The following L3MBTL4 variants were observed in gnomAD, a reference collection of about 807,000 sequenced individuals.
The protein encoded by L3MBTL4 is lethal(3)malignant brain tumor-like protein 4.
Under a neutral mutation model 84.5 loss-of-function variants are expected in L3MBTL4, and 70 were observed. The ratio of observed to expected loss-of-function variants is 0.83; its 90% confidence interval spans 0.68 to 1.01. L3MBTL4 has a LOEUF of 1.01. Ranked by LOEUF, L3MBTL4 falls within the 50% of genes least tolerant of loss-of-function variation. The pLI is 0.00. For synonymous variants in L3MBTL4, 274 were observed against 259.8 expected (o/e 1.05, Z -0.52); for missense variants, 715 against 754.8 (o/e 0.95, Z 0.62).
In L3MBTL4 at chr18:6,252,970, G is replaced by A. The variant is rs551247250; in HGVS notation, c.220-8382C>T. 9.8e-5 allele frequency among the ~76,000 whole-genome samples: 15 copies of A among 152,326 alleles called. No individual in the cohort carries two copies. The East Asian group carries it at 1.5e-3, about 16-fold the overall frequency. ...TGTAATCCCAGCACTTTGGGAGGCCGAGGCGAGCAGATCATGAGGTCAAGA... is the reference window on the plus strand; with the variant it reads ...TGTAATCCCAGCACTTTGGGAGGCCAAGGCGAGCAGATCATGAGGTCAAGA... On this transcript the variant is annotated intron_variant, in intron 5 of 18. Transcript: ENST00000317931.
chr18:6,094,289 T>A (rs1305157488), intron 14 of L3MBTL4, among the ~76,000 whole-genome samples: 1 of 152,190 alleles, frequency 6.6e-6, no homozygotes, highest in Non-Finnish European at 1.5e-5. Flanking sequence ...CTGCCGCTGC[T>A]AGAAATGAGG....
intron 12 of L3MBTL4, among the ~76,000 whole-genome samples, chr18:6,187,537 T>C (rs1024552784): frequency 6.6e-6 from 1 of 152,214 alleles, no homozygotes; most frequent in Non-Finnish European, 1.5e-5. Context: ...AACTGTGTTG[T>C]AAATTTAAAA....
chr18:6,221,316 G>A, intron 10 of L3MBTL4, among the ~76,000 whole-genome samples: 1 of 152,158 alleles, frequency 6.6e-6, no homozygotes, highest in East Asian at 1.9e-4. Flanking sequence ...TGACAAGCAG[G>A]TTTTAAGTAA....
intron 4 of L3MBTL4, among the ~76,000 whole-genome samples, chr18:6,269,243 C>T (rs1005415249): frequency 5.1e-4 from 77 of 152,202 alleles, no homozygotes; most frequent in Admixed American, 2.2e-3. Flanking sequence ...GGGCGGATCA[C>T]GAGGTCAGGA....
chr18:6,386,271 T>C (rs1350728589), intron 1 of L3MBTL4, among the ~76,000 whole-genome samples: 1 of 152,146 alleles, frequency 6.6e-6, no homozygotes, highest in African/African-American at 2.4e-5. Flanking sequence ...GCAAAAGGCA[T>C]GACAGGGAGA....
intron 16 of L3MBTL4, among the ~76,000 whole-genome samples, chr18:6,003,416 A>G (rs2054318996): frequency 6.6e-6 from 1 of 151,950 alleles, no homozygotes; most frequent in South Asian, 2.1e-4. Context: ...ACAAAAATGA[A>G]CATAACTGAA....
At chr18:6,029,389 T>A in intron 16 of L3MBTL4, 1 of 837,196 alleles carries the variant, frequency 1.2e-6, no homozygotes, top group Non-Finnish European at 1.4e-6. Context: ...GACAATTATT[T>A]GTAGGTGACA....
intron 16 of L3MBTL4, among the ~76,000 whole-genome samples, chr18:6,018,452 A>G (rs185812815): frequency 6.6e-6 from 1 of 152,306 alleles, no homozygotes; most frequent in African/African-American, 2.4e-5. Context: ...AAAGGATGAC[A>G]CCAACCCCTT....
chr18:6,109,298 G>C (rs2059115235), intron 14 of L3MBTL4, among the ~76,000 whole-genome samples: 1 of 152,118 alleles, frequency 6.6e-6, no homozygotes, highest in Non-Finnish European at 1.5e-5. Context: ...GTTTCCTTCT[G>C]ATTTTATTTT....
intron 15 of L3MBTL4, among the ~76,000 whole-genome samples, chr18:6,087,714 T>C (rs1225223028): frequency 6.6e-6 from 1 of 152,206 alleles, no homozygotes; most frequent in Non-Finnish European, 1.5e-5. Flanking sequence ...AGGTGTGTGA[T>C]ATACACACCG....
At chr18:6,079,428 C>A (rs573767760) in intron 16 of L3MBTL4, among the ~76,000 whole-genome samples, 1 of 152,278 alleles carries the variant, frequency 6.6e-6, no homozygotes, top group Admixed American at 6.5e-5. Context: ...AATTAAAGAG[C>A]ACAGTAAATG....
chr18:6,397,227 T>C (rs1410262668), intron 1 of L3MBTL4: 1 of 152,196 alleles, frequency 6.6e-6, no homozygotes, highest in Non-Finnish European at 1.5e-5. Context: ...TTAAAAACAG[T>C]AAATGTACTT....
chr18:6,160,375 G>A lies in L3MBTL4; in HGVS notation c.1096+11453C>T, dbSNP rs117124803. On this transcript the variant is annotated intron_variant, in intron 13 of 18. Coordinates refer to ENST00000317931, the MANE Select transcript of L3MBTL4 (RefSeq NM_001330559.2). ...GCAGTGTTACAAGTCAGGAGTGTTC[G>A]GAGCCAAAACCTTGTTTAATCTCAC... 2.2e-3 allele frequency among the ~76,000 whole-genome samples: 338 copies of A among 152,196 alleles called. 2 individuals are homozygous for A. In the East Asian group the frequency reaches 0.038, roughly 17 times the overall value.
Position 6,013,299 on chromosome 18 carries a change from G to A in L3MBTL4, c.1445-43737C>T, listed in dbSNP as rs563107763. ...GGGAAGACTCACCCGCTCCTTCTCC[G>A]TGCCAGCTCTCTCTCCTTCCAGCTT... On this transcript the variant is annotated intron_variant, in intron 16 of 18. Coordinates refer to ENST00000317931, the MANE Select transcript of L3MBTL4 (RefSeq NM_001330559.2). Among the ~76,000 whole-genome samples the A allele has an allele frequency of 4.3e-4, 66 of 152,240 alleles. 1 individual carries two copies. In the South Asian group the frequency reaches 0.012, roughly 27 times the overall value.
Position 6,041,988 on chromosome 18 carries a change from A to G in L3MBTL4, c.1444+38893T>C, listed in dbSNP as rs928453848. Among the ~76,000 whole-genome samples, 5 of 152,060 alleles carry G rather than the reference A, an allele frequency of 3.3e-5. 1 individual carries two copies. The highest frequency in any genetic ancestry group is 4.8e-5 in the African/African-American group (2 of 41,470). On this transcript the variant is annotated intron_variant, in intron 16 of 18. Transcript: ENST00000317931. ...TCCTCCTGCCTTGGCCTCCCAAAGTAGTGGGATTATGGGCATGAACTACCA... is the reference window on the plus strand; with the variant it reads ...TCCTCCTGCCTTGGCCTCCCAAAGTGGTGGGATTATGGGCATGAACTACCA...
At chr18:6,034,998 T>C (rs1335061801) in intron 16 of L3MBTL4, among the ~76,000 whole-genome samples, 2 of 151,776 alleles carry the variant, frequency 1.3e-5, no homozygotes, top group Admixed American at 1.3e-4. Context: ...TGGGGTTGTT[T>C]GTTTTTTTCT....
chr18:6,334,958 T>C (rs1440972891), intron 1 of L3MBTL4, among the ~76,000 whole-genome samples: 1 of 152,144 alleles, frequency 6.6e-6, no homozygotes, highest in Non-Finnish European at 1.5e-5. Flanking sequence ...AAAATCTAAC[T>C]CTAGCAACAC....
At chr18:6,229,607 T>C (rs2046913655) in intron 10 of L3MBTL4, among the ~76,000 whole-genome samples, 1 of 152,190 alleles carries the variant, frequency 6.6e-6, no homozygotes, top group South Asian at 2.1e-4. Flanking sequence ...TTCAATAGTT[T>C]TAGTTCTTAG....
At chr18:5,992,442 G>A (rs1182498356) in intron 16 of L3MBTL4, among the ~76,000 whole-genome samples, 1 of 152,136 alleles carries the variant, frequency 6.6e-6, no homozygotes, top group Non-Finnish European at 1.5e-5. Flanking sequence ...GAGTGAGGTG[G>A]GTGGAGACCA....
Sources: gnomAD v4.1 joint callset for allele counts (sites outside exome capture counted in the v4.1 genomes callset) on GRCh38, gnomAD v4.1.1 for gene constraint, MANE v1.5 for transcripts, NCBI Gene and HGNC (gene_info 2026-07-23, HGNC 2026-07-21) for gene names.